The following MEGF11 variants were observed in gnomAD, a reference collection of about 807,000 sequenced individuals.
MEGF11 encodes the protein multiple epidermal growth factor-like domains protein 11.
Under a neutral mutation model 146.6 loss-of-function variants are expected in MEGF11, and 126 were observed. The ratio of observed to expected loss-of-function variants is 0.86; its 90% confidence interval spans 0.74 to 1.00. The LOEUF is 1.00. Among genes scored for constraint, MEGF11 ranks in the 50% least tolerant of loss-of-function variants. The pLI is 0.00. For synonymous variants in MEGF11, 532 were observed against 583.4 expected (o/e 0.91, Z 1.27); for missense variants, 1,509 against 1,521.2 (o/e 0.99, Z 0.13).
intron 1 of MEGF11, among the ~76,000 whole-genome samples, chr15:66,235,622 T>G (rs2092072811): frequency 6.6e-6 from 1 of 152,060 alleles, no homozygotes. Flanking sequence ...TTCTCAAGCC[T>G]CTGAGCAACA....
At chr15:65,936,759 A>G (rs893810463) in intron 10 of MEGF11, among the ~76,000 whole-genome samples, 1 of 152,256 alleles carries the variant, frequency 6.6e-6, no homozygotes, top group African/African-American at 2.4e-5. Flanking sequence ...TACCTGGCAC[A>G]GAGTATGGGA....
At chr15:66,126,258 C>T (rs183033868) in intron 2 of MEGF11, among the ~76,000 whole-genome samples, 13 of 152,286 alleles carry the variant, frequency 8.5e-5, no homozygotes, top group Admixed American at 8.5e-4. Flanking sequence ...ATATAACTTA[C>T]AATGGAGCTC....
chr15:66,141,289 T>TGTGTGA (rs1555475806), intron 1 of MEGF11, among the ~76,000 whole-genome samples: 18 of 101,244 alleles, frequency 1.8e-4, no homozygotes, highest in African/African-American at 5.7e-4. Context: ...TGTGTGTGTG[T>TGTGTGA]GAGAGAGAGA....
At chr15:65,996,995 G>A (rs915848238) in intron 5 of MEGF11, among the ~76,000 whole-genome samples, 2 of 152,150 alleles carry the variant, frequency 1.3e-5, no homozygotes, top group Admixed American at 6.5e-5. Flanking sequence ...CCCACCTATC[G>A]GTGGGAAGCA....
intron 1 of MEGF11, among the ~76,000 whole-genome samples, chr15:66,201,205 T>C (rs966074919): frequency 1.3e-5 from 2 of 152,054 alleles, no homozygotes; most frequent in Non-Finnish European, 2.9e-5. Context: ...TTCTCCCTCA[T>C]CCCACCACAA....
intron 1 of MEGF11, among the ~76,000 whole-genome samples, chr15:66,140,317 A>G (rs1031213368): frequency 6.6e-6 from 1 of 152,226 alleles, no homozygotes; most frequent in African/African-American, 2.4e-5. Flanking sequence ...TTGAAACTAC[A>G]GAAAGGTTTT....
intron 13 of MEGF11, among the ~76,000 whole-genome samples, chr15:65,924,798 T>G (rs1391045900): frequency 6.6e-6 from 1 of 151,958 alleles, no homozygotes; most frequent in Non-Finnish European, 1.5e-5. Flanking sequence ...CTGGCTAACT[T>G]TTGTATTTTT....
intron 1 of MEGF11, among the ~76,000 whole-genome samples, chr15:66,199,142 A>G (rs1362710821): frequency 6.6e-6 from 1 of 152,140 alleles, no homozygotes; most frequent in Admixed American, 6.5e-5. Flanking sequence ...GGGAAAAAAA[A>G]CATATCTCCT....
At chr15:66,189,853 C>T (rs1014467343) in intron 1 of MEGF11, among the ~76,000 whole-genome samples, 1 of 151,608 alleles carries the variant, frequency 6.6e-6, no homozygotes. Context: ...AAATCCCACT[C>T]GAAAGCAATC....
chr15:65,936,780 T>C (rs1422401730), intron 10 of MEGF11, among the ~76,000 whole-genome samples: 2 of 152,208 alleles, frequency 1.3e-5, no homozygotes, highest in South Asian at 4.1e-4. Flanking sequence ...ATTTTGTAAA[T>C]AATGTGTGAG....
Position 65,990,143 on chromosome 15 carries a change from C to T in MEGF11, c.395-7655G>A, listed in dbSNP as rs138005286. Among the ~76,000 whole-genome samples the T allele has an allele frequency of 6.1e-3, 930 of 152,206 alleles. 14 individuals carry two copies. The highest frequency in any genetic ancestry group is 0.021 in the African/African-American group (888 of 41,516). ...AGAGGATCACTTGAGCCCAGGAGGT[C>T]GAGGCTGCAGTGAGCTATGACTGTA... On this transcript the variant is annotated intron_variant, in intron 5 of 25. Transcript: ENST00000395614.
At chr15:66,058,790 T>C (rs1433445384) in intron 5 of MEGF11, among the ~76,000 whole-genome samples, 1 of 152,164 alleles carries the variant, frequency 6.6e-6, no homozygotes, top group African/African-American at 2.4e-5. Context: ...GATGCCTCCT[T>C]TGATGACATG....
chr15:65,976,336 C>T (rs984906470), intron 7 of MEGF11, among the ~76,000 whole-genome samples: 3 of 152,190 alleles, frequency 2.0e-5, no homozygotes, highest in Non-Finnish European at 2.9e-5. Context: ...CCACCACGCC[C>T]GGCCAACATT....
intron 1 of MEGF11, among the ~76,000 whole-genome samples, chr15:66,229,530 C>T (rs1197740820): frequency 2.6e-5 from 4 of 152,228 alleles, no homozygotes; most frequent in South Asian, 4.1e-4. Flanking sequence ...CCAAACTTAT[C>T]GGTAGCCAAG....
At chr15:66,062,760 T>C (rs1258116947) in intron 5 of MEGF11, among the ~76,000 whole-genome samples, 1 of 152,180 alleles carries the variant, frequency 6.6e-6, no homozygotes, top group Non-Finnish European at 1.5e-5. Flanking sequence ...GTGAGCTTTG[T>C]AGATATTTGG....
At chr15:66,056,863 G>T (rs547333147) in intron 5 of MEGF11, among the ~76,000 whole-genome samples, 6 of 152,300 alleles carry the variant, frequency 3.9e-5, no homozygotes, top group Non-Finnish European at 8.8e-5. Flanking sequence ...CTCTGATTTT[G>T]CTTAGGGATG....
intron 1 of MEGF11, among the ~76,000 whole-genome samples, chr15:66,210,033 CCAGGCTGGTCT>C (rs1177649704): frequency 6.6e-6 from 1 of 152,034 alleles, no homozygotes; most frequent in Non-Finnish European, 1.5e-5. Context: ...TCTATGTTGC[CCAGGCTGGTCT>C]CAAACTTCTG....
intron 1 of MEGF11, among the ~76,000 whole-genome samples, chr15:66,225,777 C>T (rs1188794677): frequency 6.6e-6 from 1 of 152,110 alleles, no homozygotes; most frequent in Non-Finnish European, 1.5e-5. Context: ...CACATGAAGG[C>T]ATATGTTTAC....
At chr15:66,178,660 AC>A (rs1472170644) in intron 1 of MEGF11, among the ~76,000 whole-genome samples, 1 of 152,150 alleles carries the variant, frequency 6.6e-6, no homozygotes, top group Non-Finnish European at 1.5e-5. Context: ...GCATTTGCAG[AC>A]CCTGAGAGTG....
Sources: allele counts gnomAD v4.1 joint callset (sites outside exome capture counted in the v4.1 genomes callset), GRCh38; gene constraint gnomAD v4.1.1; transcripts MANE v1.5; gene names NCBI Gene and HGNC (gene_info 2026-07-23, HGNC 2026-07-21).